The following PIK3R4 variants were observed in gnomAD, a reference collection of about 807,000 sequenced individuals.
PIK3R4 encodes the protein phosphoinositide-3-kinase regulatory subunit 4.
Under a neutral mutation model 136.5 loss-of-function variants are expected in PIK3R4, and 46 were observed. That is an observed-to-expected ratio of 0.34 (90% CI 0.27 to 0.43). The LOEUF (loss-of-function observed/expected upper bound fraction) is 0.43. PIK3R4 is among the 20% of genes least tolerant of loss of function. PIK3R4 has a pLI of 1.00. For missense variants in PIK3R4, 1,331 were observed against 1,649.5 expected (o/e 0.81, Z 3.35); for synonymous variants, 557 against 566.7 (o/e 0.98, Z 0.24).
chr3:130,713,695 T>C (rs1364734940), intron 9 of PIK3R4, among the ~76,000 whole-genome samples: 1 of 152,170 alleles, frequency 6.6e-6, no homozygotes, highest in Non-Finnish European at 1.5e-5. Flanking sequence ...TTTCTTGAGA[T>C]AGAGTCTTGC....
chr3:130,679,338 C>T lies in PIK3R4; in HGVS notation c.4054G>A (p.Gly1352Arg). 1.2e-6 allele frequency: 2 copies of T among 1,606,412 alleles called. No individual in the cohort carries two copies. The highest frequency in any genetic ancestry group is 1.1e-5 in the South Asian group (1 of 89,902). ...QGFIVTASRD[G>R]IVKVWK is the part of the protein sequence containing the mutation. The stretch of plus-strand genomic sequence containing the variant: ...TTTTATTTCCACACCTTCACAATCC[C>T]ATCTCTAGAAGCAGTTACGATGAAG... Residue 1352 changes from glycine (G) to arginine (R), a missense_variant, in exon 20 of 20, where the codon GGG becomes AGG. Physicochemically the swap from Gly to Arg is moderately radical, Grantham distance 125. Transcript: ENST00000356763.
chr3:130,703,290 A>G (rs1370004468), intron 13 of PIK3R4, among the ~76,000 whole-genome samples: 1 of 152,156 alleles, frequency 6.6e-6, no homozygotes, highest in Non-Finnish European at 1.5e-5. Context: ...CAACCATGCC[A>G]AACATGTTTC....
chr3:130,686,581 A>G (rs2108515911), intron 14 of PIK3R4, among the ~76,000 whole-genome samples, 159 bp from the exon 15 acceptor site: 1 of 152,322 alleles, frequency 6.6e-6, no homozygotes, highest in Non-Finnish European at 1.5e-5. Flanking sequence ...TTCCAGATGT[A>G]GAGAAGAATT....
chr3:130,711,443 G>A (rs1176031385), intron 9 of PIK3R4, among the ~76,000 whole-genome samples: 2 of 152,162 alleles, frequency 1.3e-5, no homozygotes, highest in Non-Finnish European at 2.9e-5. Context: ...TAACTCTGTG[G>A]AGCAGAGAAA....
At chr3:130,707,421 CTAGTGAATAG>C (rs2066611583) in intron 10 of PIK3R4, among the ~76,000 whole-genome samples, 1 of 152,142 alleles carries the variant, frequency 6.6e-6, no homozygotes, top group Non-Finnish European at 1.5e-5. Context: ...ACCACTATAT[CTAGTGAATAG>C]TAAGAAAATA....
At position 130,680,461 on chromosome 3, in the gene PIK3R4, A is replaced by AATT. The variant is rs2066451117; in HGVS notation, c.3906+149_3906+151dup. On this transcript the variant is annotated intron_variant, in intron 19 of 19. Coordinates refer to ENST00000356763, the MANE Select transcript of PIK3R4 (RefSeq NM_014602.3). ...TGCTTATTTTACCTTAATAAAAGTT[A>AATT]ATTTTTTTAAATACAGAAAATTCAA... 2.0e-5 allele frequency: 10 copies of AATT among 494,258 alleles called. No homozygotes were observed. In the Admixed American group the frequency reaches 3.3e-4, roughly 16 times the overall value. 30.6% of individuals were successfully genotyped at this position (494,258 alleles called of 1,614,324 possible).
At chr3:130,688,338 G>C (rs999072113) in intron 14 of PIK3R4, among the ~76,000 whole-genome samples, 6 of 152,330 alleles carry the variant, frequency 3.9e-5, no homozygotes, top group African/African-American at 1.4e-4. Flanking sequence ...CAACGTTTGA[G>C]TTGAGTTCCT....
chr3:130,729,254 CT>C (rs1401809258), intron 5 of PIK3R4, among the ~76,000 whole-genome samples: 7 of 152,126 alleles, frequency 4.6e-5, no homozygotes, highest in Non-Finnish European at 8.8e-5. Flanking sequence ...CTTCTTTTTA[CT>C]AAAATGTAAG....
chr3:130,680,193 T>C (rs2066449160), intron 19 of PIK3R4, among the ~76,000 whole-genome samples: 1 of 152,190 alleles, frequency 6.6e-6, no homozygotes, highest in African/African-American at 2.4e-5. Flanking sequence ...AGCACCTACT[T>C]TGGCCCAGGT....
chr3:130,729,951 G>A (rs2066753242), intron 5 of PIK3R4, among the ~76,000 whole-genome samples: 1 of 152,108 alleles, frequency 6.6e-6, no homozygotes, highest in Middle Eastern at 3.2e-3. Flanking sequence ...ATTTATGATT[G>A]AGGATACTCA....
intron 2 of PIK3R4, among the ~76,000 whole-genome samples, chr3:130,743,845 T>G (rs1175262308): frequency 4.6e-5 from 7 of 152,232 alleles, no homozygotes; most frequent in Non-Finnish European, 1.0e-4. Context: ...AGACCCTTTC[T>G]GATCTGGCTG....
At chr3:130,696,361 T>C (rs900607189) in intron 13 of PIK3R4, among the ~76,000 whole-genome samples, 1 of 152,100 alleles carries the variant, frequency 6.6e-6, no homozygotes, top group Non-Finnish European at 1.5e-5. Flanking sequence ...AAATTACTAA[T>C]TTGGGATCTT....
chr3:130,701,982 A>AT (rs1576454340), intron 13 of PIK3R4, among the ~76,000 whole-genome samples: 1 of 151,472 alleles, frequency 6.6e-6, no homozygotes, highest in South Asian at 2.1e-4. Flanking sequence ...AAAAAAAAAA[A>AT]TTTTTTTAAT....
chr3:130,721,671 T>C (rs888515913), intron 7 of PIK3R4, among the ~76,000 whole-genome samples: 11 of 152,268 alleles, frequency 7.2e-5, no homozygotes, highest in African/African-American at 2.6e-4. Flanking sequence ...ATCGAACTAA[T>C]ACATATTATC....
Position 130,744,729 on chromosome 3 carries a change from G to T in PIK3R4, c.490C>A (p.Leu164Ile), listed in dbSNP as rs1177518627. The change falls in exon 2 of 20, where the codon CTA becomes ATA. Residue 164 changes from leucine (L) to isoleucine (I), a missense_variant. Transcript: ENST00000356763. ...GGCTTAAAACTGGCAAAATCAGTTA[G>T]AAGAACCCAATTCCAACTGGTGACC... The part of the protein sequence containing the change: ...VMVTSWNWVL[L>I]TDFASFKPTY... 1.2e-6 allele frequency: 2 copies of T among 1,614,240 alleles called. No individual in the cohort carries two copies. Among genetic ancestry groups the T allele is most frequent in the Non-Finnish European group, 1.7e-6 (2 of 1,180,046 alleles).
Position 130,705,600 on chromosome 3 carries a change from T to C in PIK3R4, c.2893A>G (p.Met965Val). The change falls in exon 12 of 20, where the codon ATG becomes GTG. Residue 965 changes from methionine to valine, a missense_variant. Met to Val is a conservative substitution (Grantham distance 21). Coordinates refer to ENST00000356763, the MANE Select transcript of PIK3R4 (RefSeq NM_014602.3). Reference sequence around the variant, plus strand: ...TTACTCTCCCATTCAGCATTTTCCATCATCTGCTTAGCTATTCTCTCAGCA... The same window carrying C: ...TTACTCTCCCATTCAGCATTTTCCACCATCTGCTTAGCTATTCTCTCAGCA... Reference protein sequence around the residue: ...CNAERIAKQMMENAEWESKPP... With the variant: ...CNAERIAKQMVENAEWESKPP... The C allele has an allele frequency of 6.2e-7, 1 of 1,613,904 alleles. No homozygotes were observed. The highest frequency in any genetic ancestry group is 8.5e-7 in the Non-Finnish European group (1 of 1,179,784).
At chr3:130,707,907 T>G (rs2066614012) in intron 10 of PIK3R4, among the ~76,000 whole-genome samples, 1 of 152,214 alleles carries the variant, frequency 6.6e-6, no homozygotes, top group African/African-American at 2.4e-5. Flanking sequence ...CATTACCTAC[T>G]ACTAATGAAC....
intron 9 of PIK3R4, among the ~76,000 whole-genome samples, chr3:130,710,537 A>C (rs1559824925): frequency 6.6e-6 from 1 of 152,142 alleles, no homozygotes; most frequent in Non-Finnish European, 1.5e-5. Context: ...CACTCACACC[A>C]ACTCCCTTTA....
intron 13 of PIK3R4, among the ~76,000 whole-genome samples, chr3:130,694,569 T>C (rs2066536209): frequency 6.6e-6 from 1 of 152,148 alleles, no homozygotes; most frequent in Admixed American, 6.5e-5. Flanking sequence ...AAATTCATGT[T>C]TGGACTATTC....
Sources: allele counts gnomAD v4.1 joint callset (sites outside exome capture counted in the v4.1 genomes callset), GRCh38; gene constraint gnomAD v4.1.1; transcripts MANE v1.5; gene names NCBI Gene and HGNC (gene_info 2026-07-23, HGNC 2026-07-21).